ZNF843: variants seen among roughly 807,000 people sequenced by gnomAD.
ZNF843 encodes the protein zinc finger protein 843.
For missense variants in ZNF843, 482 were observed against 469.4 expected (o/e 1.03, Z -0.25); for synonymous variants, 185 against 207.7 (o/e 0.89, Z 0.94).
Position 31,436,260 on chromosome 16 carries a change from C to T in ZNF843, c.590G>A (p.Arg197Gln). 3 of 1,547,152 alleles carry T rather than the reference C, an allele frequency of 1.9e-6. No homozygotes were observed. The highest frequency in any genetic ancestry group is 2.4e-5 in the South Asian group (2 of 83,298). ...SVAPDSTSGLRPCGSPGSFLQ... is the reference protein window; with the variant it reads ...SVAPDSTSGLQPCGSPGSFLQ... The stretch of plus-strand genomic sequence containing the variant: ...GAAGGACCCGGGGCTCCCACAGGGC[C>T]GGAGCCCAGAGGTGCTGTCCGGGGC... Residue 197 changes from arginine (R) to glutamine (Q), a missense_variant, in exon 2 of 2, where the codon CGG becomes CAG. Transcript: ENST00000315678.
At position 31,436,924 on chromosome 16, in the gene ZNF843, G is replaced by A. The variant is rs977625214; in HGVS notation, c.-75C>T. On this transcript the variant is annotated 5_prime_UTR_variant, in exon 2 of 2. Transcript: ENST00000315678. ...TTGCCGCACTTGGCGCAGCTGTGGGGCCTCTGCCGCACTCAGGCTTCCCGT... is the reference window on the plus strand; with the variant it reads ...TTGCCGCACTTGGCGCAGCTGTGGGACCTCTGCCGCACTCAGGCTTCCCGT... 260 of 1,371,124 alleles carry A rather than the reference G, an allele frequency of 1.9e-4. No individual in the cohort carries two copies. Among genetic ancestry groups the A allele is most frequent in the Non-Finnish European group, 2.5e-4 (251 of 1,024,340 alleles). 84.9% of individuals were successfully genotyped at this position (1,371,124 alleles called of 1,614,324 possible).
Position 31,436,523 on chromosome 16 carries a change from C to T in ZNF843, c.327G>A (p.Glu109=). Residue 109 remains glutamate, a synonymous_variant, in exon 2 of 2, where the codon GAG becomes GAA. Coordinates refer to ENST00000315678, the MANE Select transcript of ZNF843 (RefSeq NM_001136509.3). ...SGQLCCWLTK[E]HTLAEALRLS... is the part of the protein sequence containing the mutation. ...GACGCAGGGCTTCGGCCAGTGTGTGCTCCTTGGTGAGCCAGCAGCAGAGCT... is the reference window on the plus strand; with the variant it reads ...GACGCAGGGCTTCGGCCAGTGTGTGTTCCTTGGTGAGCCAGCAGCAGAGCT... 1.9e-6 allele frequency: 3 copies of T among 1,550,154 alleles called. No homozygotes were observed. Among genetic ancestry groups the T allele is most frequent in the East Asian group, 2.4e-5 (1 of 40,870 alleles).
At chr16:31,438,828 G>A (rs990282127) in intron 1 of ZNF843, among the ~76,000 whole-genome samples, 2 of 152,016 alleles carry the variant, frequency 1.3e-5, no homozygotes, top group East Asian at 1.9e-4. Context: ...TTGACTCATC[G>A]CTCTCCTTCC....
At position 31,436,135 on chromosome 16, in the gene ZNF843, C is replaced by T. The variant is rs1322695657; in HGVS notation, c.715G>A (p.Ala239Thr). ...LQPLVPSGLPAVPAVPLGGLE... is the reference protein window; with the variant it reads ...LQPLVPSGLPTVPAVPLGGLE... Reference sequence around the variant, plus strand: ...CCTCCCAGAGGCACTGCAGGCACTGCGGGAAGGCCGGATGGAACCAGAGGC... The same window carrying T: ...CCTCCCAGAGGCACTGCAGGCACTGTGGGAAGGCCGGATGGAACCAGAGGC... Residue 239 changes from alanine to threonine, a missense_variant, in exon 2 of 2, where the codon GCA (alanine) becomes ACA (threonine). Transcript: ENST00000315678. 31 of 1,548,548 alleles carry T rather than the reference C, an allele frequency of 2.0e-5. No individual in the cohort carries two copies. The highest frequency in any genetic ancestry group is 2.5e-5 in the Non-Finnish European group (29 of 1,145,582).
At chr16:31,441,570 G>A (rs1208117469) in intron 1 of ZNF843, among the ~76,000 whole-genome samples, 1 of 151,848 alleles carries the variant, frequency 6.6e-6, no homozygotes, top group Non-Finnish European at 1.5e-5. Flanking sequence ...CTGCAGCCTC[G>A]ACCTCCTGGG....
chr16:31,435,616 A>C lies in ZNF843; in HGVS notation c.*187T>G. On this transcript the variant is annotated 3_prime_UTR_variant, in exon 2 of 2. Coordinates refer to ENST00000315678, the MANE Select transcript of ZNF843 (RefSeq NM_001136509.3). ...CACCTGCCTAAATCCCTTAATGTAT[A>C]AGGGAAAGGAGCGAGAATTCAGGGG... is the stretch of plus-strand genomic sequence containing the variant. 5.5e-6 allele frequency: 3 copies of C among 543,350 alleles called. No individual in the cohort carries two copies. Among genetic ancestry groups the C allele is most frequent in the Non-Finnish European group, 9.1e-6 (3 of 330,556 alleles). 33.7% of individuals were successfully genotyped at this position (543,350 alleles called of 1,614,324 possible). A position where few individuals can be genotyped will look rare whatever the true frequency, so the allele number is the denominator to read the frequency against.
At position 31,436,423 on chromosome 16, in the gene ZNF843, ACACT is replaced by A; in HGVS notation, c.423_426del (p.Arg141SerfsTer273). On this transcript the variant is annotated frameshift_variant, in exon 2 of 2. Coordinates refer to ENST00000315678, the MANE Select transcript of ZNF843 (RefSeq NM_001136509.3). LOFTEE classifies it low-confidence loss of function (END_TRUNC). ...CCGCAGCTGCAGCAGCAGAAGGGAC[ACACT>A]CTCCTGTGTGAATTCGCTGGTGGCC... 1 of 1,551,564 alleles carries A rather than the reference ACACT, an allele frequency of 6.4e-7. No individual in the cohort carries two copies. Among genetic ancestry groups the A allele is most frequent in the Non-Finnish European group, 8.7e-7 (1 of 1,146,904 alleles).
Position 31,436,403 on chromosome 16 carries a change from G to A in ZNF843, c.447C>T (p.Ser149=). The A allele has an allele frequency of 6.4e-7, 1 of 1,550,942 alleles. No homozygotes were observed. Among genetic ancestry groups the A allele is most frequent in the Admixed American group, 2.0e-5 (1 of 50,958 alleles). Residue 149 remains serine (S), a synonymous_variant, in exon 2 of 2, where the codon AGC becomes AGT. Coordinates refer to ENST00000315678, the MANE Select transcript of ZNF843 (RefSeq NM_001136509.3). ...TCTTCTCATTGACACTGTCACCGCAGCTGCAGCAGCAGAAGGGACACACTC... is the reference window on the plus strand; with the variant it reads ...TCTTCTCATTGACACTGTCACCGCAACTGCAGCAGCAGAAGGGACACACTC... ...HRRVCPFCCC[S]CGDSVNEKTS... is the part of the protein sequence containing the mutation.
At chr16:31,439,517 TAA>T (rs1414607305) in intron 1 of ZNF843, among the ~76,000 whole-genome samples, 2 of 152,182 alleles carry the variant, frequency 1.3e-5, no homozygotes, top group African/African-American at 2.4e-5. Flanking sequence ...GGTGGAAGAA[TAA>T]AGTGTGGTTT....
At chr16:31,437,561 C>T (rs1477497485) in intron 1 of ZNF843, among the ~76,000 whole-genome samples, 1 of 150,922 alleles carries the variant, frequency 6.6e-6, no homozygotes, top group Admixed American at 6.6e-5. Flanking sequence ...CCACCTGGGC[C>T]ACCCAAAGTG....
At chr16:31,437,297 C>CTTTTTTTTTT (rs59710664) in intron 1 of ZNF843, 113 bp from the exon 2 acceptor site, 49 of 81,982 alleles carry the variant, frequency 6.0e-4, no homozygotes, top group African/African-American at 2.3e-3. Context: ...TTCTTTCCTT[C>CTTTTTTTTTT]TTTTTTTTTT....
chr16:31,441,931 A>C (rs1043923156), intron 1 of ZNF843, among the ~76,000 whole-genome samples: 3 of 152,154 alleles, frequency 2.0e-5, no homozygotes, highest in Non-Finnish European at 2.9e-5. Context: ...GAGAAAGCAA[A>C]CGGGGCGTGT....
rs2082178637 is a variant in ZNF843, at chr16:31,436,023, C to T, written c.827G>A (p.Gly276Glu). ...CTGAACCGCCTCCCGCGAGTCCCGT[C>T]CCGCGCTCGCACAGCTTCTGGGCCC... is the stretch of plus-strand genomic sequence containing the variant. The part of the protein sequence containing the change: ...AMGPRSCASA[G>E]RDSREAVQAP... Residue 276 changes from glycine (G) to glutamate (E), a missense_variant, in exon 2 of 2, where the codon GGA becomes GAA. Physicochemically the swap from Gly to Glu is moderately conservative, Grantham distance 98. Coordinates refer to ENST00000315678, the MANE Select transcript of ZNF843 (RefSeq NM_001136509.3). 16 of 1,529,744 alleles carry T rather than the reference C, an allele frequency of 1.0e-5. No individual in the cohort carries two copies. Among genetic ancestry groups the T allele is most frequent in the Non-Finnish European group, 1.4e-5 (16 of 1,136,358 alleles). The allele number at this position is 1,529,744 out of a possible 1,614,324, so 94.8% of individuals were successfully genotyped here. A position where few individuals can be genotyped will look rare whatever the true frequency, so the allele number is the denominator to read the frequency against.
rs763647475 is a variant in ZNF843, at chr16:31,436,904, G to A, written c.-55C>T. The A allele has an allele frequency of 8.4e-6, 12 of 1,429,724 alleles. No individual in the cohort carries two copies. The highest frequency in any genetic ancestry group is 5.3e-5 in the Admixed American group (2 of 37,842). 88.6% of individuals were successfully genotyped at this position (1,429,724 alleles called of 1,614,324 possible). A position where few individuals can be genotyped will look rare whatever the true frequency, so the allele number is the denominator to read the frequency against. On this transcript the variant is annotated 5_prime_UTR_variant, in exon 2 of 2. Transcript: ENST00000315678. ...GAGTAACTGTACGGGAGGCTTTGCC[G>A]CACTTGGCGCAGCTGTGGGGCCTCT...
At chr16:31,440,753 A>G (rs1450339484) in intron 1 of ZNF843, among the ~76,000 whole-genome samples, 1 of 152,164 alleles carries the variant, frequency 6.6e-6, no homozygotes, top group East Asian at 1.9e-4. Context: ...CTACTGTCCA[A>G]TTTGCTAGTG....
In ZNF843 at chr16:31,436,932, C is replaced by T. The variant is rs879145732; in HGVS notation, c.-83G>A. 3 of 1,323,750 alleles carry T rather than the reference C, an allele frequency of 2.3e-6. No homozygotes were observed. The South Asian group carries it at 4.6e-5, about 20-fold the overall frequency. The allele number at this position is 1,323,750 out of a possible 1,614,324, so 82.0% of individuals were successfully genotyped here. Reference sequence around the variant, plus strand: ...CTTGGCGCAGCTGTGGGGCCTCTGCCGCACTCAGGCTTCCCGTGGCCACGA... The same window carrying T: ...CTTGGCGCAGCTGTGGGGCCTCTGCTGCACTCAGGCTTCCCGTGGCCACGA... On this transcript the variant is annotated 5_prime_UTR_variant, in exon 2 of 2. Coordinates refer to ENST00000315678, the MANE Select transcript of ZNF843 (RefSeq NM_001136509.3).
intron 1 of ZNF843, among the ~76,000 whole-genome samples, chr16:31,438,777 A>T (rs1409315241): frequency 2.0e-5 from 3 of 152,096 alleles, no homozygotes; most frequent in African/African-American, 4.8e-5. Flanking sequence ...CACCAGTTTT[A>T]TTCTCTTGGA....
At chr16:31,439,743 G>A (rs2082195117) in intron 1 of ZNF843, among the ~76,000 whole-genome samples, 1 of 152,248 alleles carries the variant, frequency 6.6e-6, no homozygotes. Context: ...GTCAGGGAGA[G>A]AGCAGCTGAC....
intron 1 of ZNF843, among the ~76,000 whole-genome samples, chr16:31,441,588 G>A (rs957050236): frequency 2.0e-5 from 3 of 151,970 alleles, no homozygotes; most frequent in African/African-American, 7.3e-5. Flanking sequence ...GGGCTCAAGC[G>A]GTCCTCCCTC....
Sources: gnomAD v4.1 joint callset for allele counts (sites outside exome capture counted in the v4.1 genomes callset) on GRCh38, gnomAD v4.1.1 for gene constraint, MANE v1.5 for transcripts, NCBI Gene and HGNC (gene_info 2026-07-23, HGNC 2026-07-21) for gene names.